MYOCD: variants seen among roughly 807,000 people sequenced by gnomAD.
MYOCD encodes myocardin.
A neutral mutation model predicts 96.1 loss-of-function variants in MYOCD; 32 were observed. That is an observed-to-expected ratio of 0.33 (90% CI 0.25 to 0.45). MYOCD has a LOEUF of 0.45. Ranked by LOEUF, MYOCD falls within the 20% of genes least tolerant of loss-of-function variation. The pLI is 1.00. For synonymous variants in MYOCD, 469 were observed against 469.0 expected (o/e 1.00, Z 0.00); for missense variants, 1,133 against 1,200.6 (o/e 0.94, Z 0.83).
chr17:12,700,969 ATT>A (rs1462824290), intron 1 of MYOCD, among the ~76,000 whole-genome samples: 1 of 151,900 alleles, frequency 6.6e-6, no homozygotes, highest in African/African-American at 2.4e-5. Context: ...TGCTATTCAG[ATT>A]TTCTGTGTTT....
At chr17:12,696,221 G>A (rs1195964514) in intron 1 of MYOCD, among the ~76,000 whole-genome samples, 1 of 151,726 alleles carries the variant, frequency 6.6e-6, no homozygotes, top group Non-Finnish European at 1.5e-5. Flanking sequence ...CTCGTGGTCC[G>A]CCCGCCTCGA....
chr17:12,729,639 G>A (rs868469920), intron 5 of MYOCD, among the ~76,000 whole-genome samples: 2 of 151,886 alleles, frequency 1.3e-5, no homozygotes, highest in Non-Finnish European at 2.9e-5. Flanking sequence ...GTGCAATGGC[G>A]CGATCTCTGC....
At chr17:12,688,854 C>T (rs2030294420) in intron 1 of MYOCD, among the ~76,000 whole-genome samples, 1 of 152,024 alleles carries the variant, frequency 6.6e-6, no homozygotes, top group African/African-American at 2.4e-5. Flanking sequence ...CAGAGTTCTG[C>T]TAGGACACTT....
At chr17:12,738,823 G>A (rs889793603) in intron 6 of MYOCD, among the ~76,000 whole-genome samples, 5 of 150,502 alleles carry the variant, frequency 3.3e-5, no homozygotes, top group Admixed American at 6.6e-5. Context: ...CAGGTGGAAC[G>A]CCCACACACC....
intron 4 of MYOCD, 60 bp downstream of exon 4, chr17:12,717,481 G>C (rs922487528): frequency 7.3e-7 from 1 of 1,362,840 alleles, no homozygotes; most frequent in African/African-American, 1.4e-5. Flanking sequence ...CATTTTCCCA[G>C]AGTTACTTGT....
chr17:12,740,174 A>C (rs1416174299), intron 7 of MYOCD, among the ~76,000 whole-genome samples: 4 of 152,134 alleles, frequency 2.6e-5, no homozygotes, highest in African/African-American at 9.7e-5. Context: ...TGACCTCATG[A>C]TCCACCTGCC....
chr17:12,754,078 G>A (rs12103752), intron 10 of MYOCD, among the ~76,000 whole-genome samples: 13 of 119,278 alleles, frequency 1.1e-4, no homozygotes, highest in African/African-American at 4.3e-4. Context: ...GTGTGTGTAT[G>A]TGTGTGTGTG....
chr17:12,678,038 G>A (rs1327618164), intron 1 of MYOCD, among the ~76,000 whole-genome samples: 2 of 151,032 alleles, frequency 1.3e-5, no homozygotes, highest in African/African-American at 2.4e-5. Flanking sequence ...GACTGCAGGC[G>A]TGCACCACCA....
chr17:12,753,030 T>A lies in MYOCD; in HGVS notation c.1742T>A (p.Phe581Tyr). ...KQEEAVSSCP[F>Y]ASQVPVKRQS... The stretch of plus-strand genomic sequence containing the variant: ...GAAGAGGCTGTCTCCAGCTGTCCTT[T>A]TGCATCCCAAGTACCTGTGAAAAGA... The change falls in exon 10 of 14, where the codon TTT becomes TAT. Residue 581 changes from phenylalanine (F) to tyrosine (Y), a missense_variant. Transcript: ENST00000425538. The A allele has an allele frequency of 6.2e-7, 1 of 1,614,154 alleles. No homozygotes were observed. Among genetic ancestry groups the A allele is most frequent in the African/African-American group, 1.3e-5 (1 of 75,048 alleles).
chr17:12,759,853 A>G (rs574468503), intron 12 of MYOCD, among the ~76,000 whole-genome samples: 8 of 152,284 alleles, frequency 5.3e-5, no homozygotes, highest in African/African-American at 1.9e-4. Context: ...TTTTCTATTT[A>G]TTAAGATGTC....
intron 1 of MYOCD, among the ~76,000 whole-genome samples, chr17:12,686,250 T>A (rs2030112978): frequency 6.6e-6 from 1 of 152,218 alleles, no homozygotes; most frequent in Non-Finnish European, 1.5e-5. Context: ...CCAAGGAGCC[T>A]TTGACATCAT....
intron 2 of MYOCD, chr17:12,705,421 G>A (rs1394906596): frequency 4.7e-6 from 2 of 422,892 alleles, no homozygotes; most frequent in African/African-American, 4.1e-5. Context: ...AAATTCCAAT[G>A]TAGTGGATTT....
At chr17:12,680,993 G>A (rs935406126) in intron 1 of MYOCD, among the ~76,000 whole-genome samples, 2 of 152,178 alleles carry the variant, frequency 1.3e-5, no homozygotes, top group African/African-American at 4.8e-5. Context: ...CAGCAATCCT[G>A]TAAGGAGGTA....
intron 1 of MYOCD, among the ~76,000 whole-genome samples, chr17:12,690,768 G>C (rs1431003617): frequency 6.6e-6 from 1 of 152,106 alleles, no homozygotes; most frequent in African/African-American, 2.4e-5. Flanking sequence ...AGCCCCCCTA[G>C]GTGGTTTTTA....
At chr17:12,710,868 TC>T (rs1242171208) in intron 2 of MYOCD, among the ~76,000 whole-genome samples, 2 of 152,134 alleles carry the variant, frequency 1.3e-5, no homozygotes, top group Non-Finnish European at 2.9e-5. Flanking sequence ...TTCCTTCTTT[TC>T]CCCCATCTCT....
chr17:12,743,486 C>CTT (rs373893604), intron 7 of MYOCD, among the ~76,000 whole-genome samples: 846 of 98,228 alleles, frequency 8.6e-3, no homozygotes, highest in Middle Eastern at 0.021. Context: ...TATGAAAGTT[C>CTT]TTTTTTTTTT....
intron 6 of MYOCD, among the ~76,000 whole-genome samples, chr17:12,738,732 T>G (rs750481205): frequency 1.3e-5 from 2 of 151,996 alleles, no homozygotes; most frequent in Non-Finnish European, 2.9e-5. Context: ...TTGTCCTACT[T>G]TCCCCCCAAA....
intron 1 of MYOCD, among the ~76,000 whole-genome samples, chr17:12,688,247 A>G (rs1459180135): frequency 6.6e-6 from 1 of 152,186 alleles, no homozygotes; most frequent in Non-Finnish European, 1.5e-5. Flanking sequence ...TTGTCAGTAC[A>G]ACCTGAACTG....
chr17:12,738,119 A>G (rs1385515486), intron 6 of MYOCD, among the ~76,000 whole-genome samples: 3 of 152,168 alleles, frequency 2.0e-5, no homozygotes, highest in Non-Finnish European at 4.4e-5. Flanking sequence ...ACCTTAGGAG[A>G]GGGGAAGAAG....
Sources: allele counts gnomAD v4.1 joint callset (sites outside exome capture counted in the v4.1 genomes callset), GRCh38; gene constraint gnomAD v4.1.1; transcripts MANE v1.5; gene names NCBI Gene and HGNC (gene_info 2026-07-23, HGNC 2026-07-21).